Variants in DSE observed in about 807,000 individuals in gnomAD.
DSE encodes dermatan-sulfate epimerase.
In DSE, 36 loss-of-function variants were observed where a neutral mutation model predicts 84.4. The ratio of observed to expected loss-of-function variants is 0.43; its 90% CI spans 0.33 to 0.56. The LOEUF (loss-of-function observed/expected upper bound fraction) is 0.56, where lower values mean the gene tolerates loss of function less well. DSE is among the 20% of genes least tolerant of loss of function. DSE has a pLI of 0.06. For missense variants in DSE, 862 were observed against 1,169.6 expected (o/e 0.74, Z 3.84); for synonymous variants, 410 against 430.1 (o/e 0.95, Z 0.58).
At chr6:116,280,012 C>T (rs1241366243) in intron 2 of DSE, 2 of 813,744 alleles carry the variant, frequency 2.5e-6, no homozygotes, top group Non-Finnish European at 4.1e-6. Flanking sequence ...GGTTCCGCCG[C>T]TCCCTGCCAG....
At chr6:116,372,276 G>C (rs1040640991) in intron 1 of DSE, among the ~76,000 whole-genome samples, 2 of 152,128 alleles carry the variant, frequency 1.3e-5, no homozygotes, top group Non-Finnish European at 2.9e-5. Context: ...AGACCATCCT[G>C]GCTAACACGG....
chr6:116,414,017 A>T (rs3822953), intron 2 of DSE, among the ~76,000 whole-genome samples: 1 of 151,974 alleles, frequency 6.6e-6, no homozygotes, highest in African/African-American at 2.4e-5. Context: ...CTGAGTGTTC[A>T]GGCAGCGACA....
intron 2 of DSE, among the ~76,000 whole-genome samples, chr6:116,313,095 A>C (rs1314796547): frequency 6.6e-6 from 1 of 152,198 alleles, no homozygotes; most frequent in African/African-American, 2.4e-5. Flanking sequence ...TTATAAGAAG[A>C]TCCCATGTAA....
At chr6:116,313,710 C>T (rs1211857595) in intron 2 of DSE, among the ~76,000 whole-genome samples, 2 of 152,190 alleles carry the variant, frequency 1.3e-5, no homozygotes, top group Non-Finnish European at 2.9e-5. Flanking sequence ...ATTTTAGTTA[C>T]AGCATTAATT....
rs143347973 is a variant in DSE, at chr6:116,399,490, C to T, written c.240C>T (p.Ser80=). 444 of 1,614,088 alleles carry T rather than the reference C, an allele frequency of 2.8e-4. No individual in the cohort carries two copies. The highest frequency in any genetic ancestry group is 3.7e-4 in the Non-Finnish European group (432 of 1,180,042). ...CGGAGGCTGTGCACACGATGCTGTCCAGCCCCTTGGAATACCTCCCTCCCT... is the reference window on the plus strand; with the variant it reads ...CGGAGGCTGTGCACACGATGCTGTCTAGCCCCTTGGAATACCTCCCTCCCT... The part of the protein sequence containing the change: ...RLTEAVHTML[S]SPLEYLPPWD... Residue 80 remains serine (S), a synonymous_variant, in exon 2 of 6, where the codon TCC becomes TCT. Transcript: ENST00000644252.
intron 1 of DSE, among the ~76,000 whole-genome samples, chr6:116,397,287 C>T (rs1199440000): frequency 6.8e-6 from 1 of 146,602 alleles, no homozygotes; most frequent in Admixed American, 7.0e-5. Context: ...TGGCTCACTG[C>T]AACCTCCGCC....
At chr6:116,341,449 T>C (rs142582796) in intron 2 of DSE, among the ~76,000 whole-genome samples, 3,418 of 152,306 alleles carry the variant, frequency 0.022, 139 homozygotes, top group African/African-American at 0.078. Flanking sequence ...CTGATGGTAG[T>C]TTCTTTTGCT....
intron 1 of DSE, among the ~76,000 whole-genome samples, chr6:116,387,928 G>A (rs1217839200): frequency 6.6e-6 from 1 of 152,146 alleles, no homozygotes; most frequent in Non-Finnish European, 1.5e-5. Flanking sequence ...CCTAGGTGGG[G>A]AGATTCTGGA....
chr6:116,348,321 G>A (rs534554879), intron 2 of DSE, among the ~76,000 whole-genome samples: 1 of 152,182 alleles, frequency 6.6e-6, no homozygotes, highest in Admixed American at 6.5e-5. Flanking sequence ...CAGCTACTCG[G>A]GAGGCTGAGG....
chr6:116,254,240 T>G (rs989958868), exon 1 of DSE: 3 of 700,828 alleles, frequency 4.3e-6, no homozygotes, highest in Non-Finnish European at 7.8e-6. Context: ...AAGAATTTCG[T>G]CAGTCTGGAA....
At chr6:116,276,423 C>T (rs2114625844) in intron 2 of DSE, among the ~76,000 whole-genome samples, 1 of 152,170 alleles carries the variant, frequency 6.6e-6, no homozygotes, top group East Asian at 1.9e-4. Context: ...ATTGAGTAAG[C>T]AGTTGCAACT....
Position 116,439,890 on chromosome 6 carries a change from T to G in DSE, c.*2545T>G, listed in dbSNP as rs979949520. ...TTAGGAGTTCTGTGCTGCAGTGAGC[T>G]ATGACTGTGCCACTGCACTCCAGCC... On this transcript the variant is annotated 3_prime_UTR_variant, in exon 6 of 6. Coordinates refer to ENST00000644252, the MANE Select transcript of DSE (RefSeq NM_013352.4). The G allele has an allele frequency of 6.6e-6, 1 of 152,098 alleles. No individual in the cohort carries two copies. Among genetic ancestry groups the G allele is most frequent in the Non-Finnish European group, 1.5e-5 (1 of 68,128 alleles). The allele number at this position is 152,098 out of a possible 1,614,324, so 9.4% of individuals were successfully genotyped here. A position where few individuals can be genotyped will look rare whatever the true frequency, so the allele number is the denominator to read the frequency against.
chr6:116,260,442 C>T (rs746340950), intron 2 of DSE, among the ~76,000 whole-genome samples: 146 of 152,180 alleles, frequency 9.6e-4, no homozygotes, highest in Non-Finnish European at 1.7e-3. Flanking sequence ...TGTCCTTTCA[C>T]TCTGCTGATG....
rs1783698863 is a variant in DSE at position 116,429,821 on chromosome 6, G to A, written c.671-1133G>A. ...AAAAAAATTAGCCGGGCGTGATGGC[G>A]GGCGCCTGCAGTCCCAGCTACTCGG... is the stretch of plus-strand genomic sequence containing the variant. On this transcript the variant is annotated intron_variant, in intron 3 of 5. Coordinates refer to ENST00000644252, the MANE Select transcript of DSE (RefSeq NM_013352.4). 3.0e-5 allele frequency among the ~76,000 whole-genome samples: 2 copies of A among 66,222 alleles called. 1 individual carries two copies. The highest frequency in any genetic ancestry group is 3.5e-4 in the Admixed American group (2 of 5,682). The allele number at this position is 66,222 out of a possible 152,430, so 43.4% of individuals were successfully genotyped here. A position where few individuals can be genotyped will look rare whatever the true frequency, so the allele number is the denominator to read the frequency against.
chr6:116,440,720 T>C lies in DSE; in HGVS notation c.*3375T>C, dbSNP rs1784397583. 1 of 152,200 alleles carries C rather than the reference T, an allele frequency of 6.6e-6. No homozygotes were observed. 9.4% of individuals were successfully genotyped at this position (152,200 alleles called of 1,614,324 possible). On this transcript the variant is annotated 3_prime_UTR_variant, in exon 6 of 6. Coordinates refer to ENST00000644252, the MANE Select transcript of DSE (RefSeq NM_013352.4). ...AATTGTTATTCCAGGACAACAGATATAAATCGAGATTATACTAGGTGAACT... is the reference window on the plus strand; with the variant it reads ...AATTGTTATTCCAGGACAACAGATACAAATCGAGATTATACTAGGTGAACT...
In DSE at chr6:116,436,802, G is replaced by T. The variant is rs534248134; in HGVS notation, c.2334G>T (p.Leu778=). ...TTAGGAAGACTGCTGAACGCCTGCT[G>T]AGATTTTCAGATAAGAGACAGACTG... is the stretch of plus-strand genomic sequence containing the variant. ...ASFRKTAERL[L]RFSDKRQTEE... is the part of the protein sequence containing the mutation. Residue 778 remains leucine (L), a synonymous_variant, in exon 6 of 6, where the codon CTG becomes CTT. Coordinates refer to ENST00000644252, the MANE Select transcript of DSE (RefSeq NM_013352.4). 6.3e-4 allele frequency: 1,017 copies of T among 1,614,124 alleles called. 8 individuals are homozygous for T. The South Asian group carries it at 0.01, about 16-fold the overall frequency.
At chr6:116,280,541 G>T (rs1386200780) in intron 2 of DSE, among the ~76,000 whole-genome samples, 1 of 152,214 alleles carries the variant, frequency 6.6e-6, no homozygotes, top group African/African-American at 2.4e-5. Context: ...AATGTTCCAT[G>T]CCTTTTCACT....
chr6:116,399,477 A>G lies in DSE; in HGVS notation c.227A>G (p.His76Arg). The G allele has an allele frequency of 1.9e-6, 3 of 1,614,248 alleles. No individual in the cohort carries two copies. The highest frequency in any genetic ancestry group is 2.5e-6 in the Non-Finnish European group (3 of 1,180,048). ...GCAGCCCGCCTCACGGAGGCTGTGC[A>G]CACGATGCTGTCCAGCCCCTTGGAA... is the stretch of plus-strand genomic sequence containing the variant. ...HIAARLTEAV[H>R]TMLSSPLEYL... The change falls in exon 2 of 6, where the codon CAC (histidine) becomes CGC (arginine). Residue 76 changes from histidine to arginine, a missense_variant. Physicochemically the swap from His to Arg is conservative, Grantham distance 29. Transcript: ENST00000644252.
At chr6:116,416,762 T>C (rs1446451298) in intron 2 of DSE, among the ~76,000 whole-genome samples, 1 of 152,114 alleles carries the variant, frequency 6.6e-6, no homozygotes, top group Non-Finnish European at 1.5e-5. Flanking sequence ...TGACAATTGC[T>C]AACTGGCAGT....
Sources: gnomAD v4.1 joint callset for allele counts (sites outside exome capture counted in the v4.1 genomes callset) on GRCh38, gnomAD v4.1.1 for gene constraint, MANE v1.5 for transcripts, NCBI Gene and HGNC (gene_info 2026-07-23, HGNC 2026-07-21) for gene names.